DNAJB6: variants seen among roughly 807,000 people sequenced by gnomAD.
DNAJB6 encodes dnaJ homolog subfamily B member 6.
A neutral mutation model predicts 42.7 loss-of-function variants in DNAJB6; 16 were observed. The observed-to-expected ratio is 0.37, with a 90% CI of 0.25 to 0.57. DNAJB6 has a LOEUF of 0.57. DNAJB6 is among the 20% of genes least tolerant of loss of function. The pLI is 0.74. For synonymous variants in DNAJB6, 170 were observed against 163.5 expected (o/e 1.04, Z -0.30); for missense variants, 347 against 416.8 (o/e 0.83, Z 1.46).
chr7:157,387,596 T>C (rs528691471), intron 8 of DNAJB6, among the ~76,000 whole-genome samples: 1 of 152,334 alleles, frequency 6.6e-6, no homozygotes, highest in South Asian at 2.1e-4. Context: ...AAATGAAAAG[T>C]CTTTACCTGT....
chr7:157,393,624 G>A (rs1801450700), intron 8 of DNAJB6, among the ~76,000 whole-genome samples: 1 of 152,202 alleles, frequency 6.6e-6, no homozygotes, highest in African/African-American at 2.4e-5. Context: ...AGGTTCAGCT[G>A]CCTGTGAAGT....
At chr7:157,344,062 C>T (rs1302369610) in intron 1 of DNAJB6, among the ~76,000 whole-genome samples, 3 of 151,934 alleles carry the variant, frequency 2.0e-5, no homozygotes, top group South Asian at 4.2e-4. Context: ...AATTATGGGC[C>T]GGGTGTGGTG....
At chr7:157,367,182 T>A (rs532963658) in intron 4 of DNAJB6, among the ~76,000 whole-genome samples, 191 bp from the exon 5 acceptor site, 1 of 152,268 alleles carries the variant, frequency 6.6e-6, no homozygotes, top group East Asian at 1.9e-4. Context: ...TGCACTCATA[T>A]GCCATCAGCG....
intron 2 of DNAJB6, among the ~76,000 whole-genome samples, chr7:157,359,527 T>A (rs1055922820): frequency 1.3e-5 from 2 of 152,142 alleles, no homozygotes; most frequent in Non-Finnish European, 2.9e-5. Context: ...TAGTTCATTT[T>A]AAAATGCTAA....
chr7:157,408,169 G>A (rs1248075289), intron 8 of DNAJB6, among the ~76,000 whole-genome samples: 1 of 152,176 alleles, frequency 6.6e-6, no homozygotes, highest in Admixed American at 6.5e-5. Context: ...TTCTCCTGGT[G>A]CAGCCATCTC....
chr7:157,389,448 G>A (rs1048104209), intron 8 of DNAJB6, among the ~76,000 whole-genome samples: 6 of 152,178 alleles, frequency 3.9e-5, no homozygotes, highest in Admixed American at 6.5e-5. Context: ...ATTATGTTTA[G>A]TTGATTTGAA....
At chr7:157,344,564 G>A (rs1464568888) in intron 1 of DNAJB6, among the ~76,000 whole-genome samples, 1 of 151,560 alleles carries the variant, frequency 6.6e-6, no homozygotes, top group African/African-American at 2.4e-5. Context: ...CCTGCTCTAC[G>A]CAAATTCCCT....
chr7:157,352,707 A>G (rs1433242138), intron 1 of DNAJB6, among the ~76,000 whole-genome samples: 1 of 152,168 alleles, frequency 6.6e-6, no homozygotes, highest in East Asian at 1.9e-4. Context: ...CATCACAAGC[A>G]GGTAGCACTT....
At chr7:157,404,500 C>A (rs1584946888) in intron 8 of DNAJB6, among the ~76,000 whole-genome samples, 1 of 116,588 alleles carries the variant, frequency 8.6e-6, no homozygotes, top group Non-Finnish European at 1.8e-5. Context: ...GAGATGGGGT[C>A]TGTCTTTTTT....
chr7:157,416,093 C>T lies in DNAJB6; in HGVS notation c.976C>T (p.His326Tyr), dbSNP rs1356759035. The T allele has an allele frequency of 6.2e-7, 1 of 1,613,446 alleles. No individual in the cohort carries two copies. Among genetic ancestry groups the T allele is most frequent in the Admixed American group, 1.7e-5 (1 of 59,880 alleles). Residue 326 changes from histidine to tyrosine, a missense_variant, in exon 10 of 10, where the codon CAC becomes TAC. His to Tyr is a moderately conservative substitution (Grantham distance 83). Around this residue, in one of 3 missense-constraint regions of DNAJB6, gnomAD observed 264 missense variants for 288.0 expected, o/e 0.92. Transcript: ENST00000262177. ...GAAGAAGAAGTCGACCAAAGGCAAT[C>T]ACTAGACCGGACTTGAGGCACGCGG... is the stretch of plus-strand genomic sequence containing the variant. ...SKKKKSTKGN[H>Y] is the part of the protein sequence containing the mutation.
chr7:157,404,988 T>C (rs914395096), intron 8 of DNAJB6, among the ~76,000 whole-genome samples: 5 of 152,130 alleles, frequency 3.3e-5, no homozygotes, highest in Non-Finnish European at 7.4e-5. Flanking sequence ...TGTGAACACA[T>C]TGATGTGGTC....
At chr7:157,341,238 C>T (rs1308932340) in intron 1 of DNAJB6, among the ~76,000 whole-genome samples, 2 of 152,126 alleles carry the variant, frequency 1.3e-5, no homozygotes, top group African/African-American at 2.4e-5. Flanking sequence ...GATTCTCCTG[C>T]CTCAGCCTCC....
chr7:157,340,520 C>G (rs1318092875), intron 1 of DNAJB6, among the ~76,000 whole-genome samples: 1 of 149,836 alleles, frequency 6.7e-6, no homozygotes, highest in Non-Finnish European at 1.5e-5. Context: ...GAAAAGTCAA[C>G]TAGTAAAAAT....
intron 9 of DNAJB6, chr7:157,413,920 C>T (rs1186153826): frequency 6.6e-6 from 1 of 152,140 alleles, no homozygotes; most frequent in Admixed American, 6.5e-5. Context: ...TGTGGTTTCT[C>T]CATGTTGGAC....
In DNAJB6 at chr7:157,409,462, C is replaced by T. The variant is rs776460346; in HGVS notation, c.692-333C>T. Among the ~76,000 whole-genome samples the T allele has an allele frequency of 2.0e-5, 3 of 152,242 alleles. No homozygotes were observed. In the South Asian group the frequency reaches 6.2e-4, roughly 32 times the overall value. On this transcript the variant is annotated intron_variant, in intron 8 of 9. Coordinates refer to ENST00000262177, the MANE Select transcript of DNAJB6 (RefSeq NM_058246.4). ...TGGCTCAGCTGGCTGGTTTTGACAG[C>T]GAACTTGTCAGCCCTGACCGTGATT...
At chr7:157,339,506 T>G (rs1489324060) in intron 1 of DNAJB6, among the ~76,000 whole-genome samples, 1 of 151,696 alleles carries the variant, frequency 6.6e-6, no homozygotes, top group Non-Finnish European at 1.5e-5. Flanking sequence ...TTCACCGTGT[T>G]AGCCAGGATG....
At chr7:157,402,567 G>T (rs1795573779) in intron 8 of DNAJB6, among the ~76,000 whole-genome samples, 1 of 152,236 alleles carries the variant, frequency 6.6e-6, no homozygotes, top group African/African-American at 2.4e-5. Context: ...TCCCAGGCTG[G>T]CCAGACCACT....
chr7:157,361,774 A>ATTCG (rs1799612913), intron 2 of DNAJB6, among the ~76,000 whole-genome samples: 1 of 151,732 alleles, frequency 6.6e-6, no homozygotes, highest in Non-Finnish European at 1.5e-5. Context: ...TCATTCATTC[A>ATTCG]TGCATTCATG....
At chr7:157,381,336 T>C (rs1800758256) in intron 5 of DNAJB6, 1 of 152,200 alleles carries the variant, frequency 6.6e-6, no homozygotes, top group African/African-American at 2.4e-5. Flanking sequence ...TTAATGCACC[T>C]ATTAGGATTC....
Sources: gnomAD v4.1 joint callset for allele counts (sites outside exome capture counted in the v4.1 genomes callset) on GRCh38, gnomAD v4.1.1 for gene constraint, gnomAD v4.1.1 regional missense constraint, MANE v1.5 for transcripts, NCBI Gene and HGNC (gene_info 2026-07-23, HGNC 2026-07-21) for gene names.